RAB40B: variants seen among roughly 807,000 people sequenced by gnomAD.
The protein encoded by RAB40B is ras-related protein Rab-40B.
Under a neutral mutation model 24.0 loss-of-function variants are expected in RAB40B, and 21 were observed. That is an observed-to-expected ratio of 0.88 (90% CI 0.62 to 1.26). The LOEUF is 1.26. Ranked by LOEUF, RAB40B falls within the 50% of genes most tolerant of loss-of-function variation. The pLI is 0.00. For synonymous variants in RAB40B, 167 were observed against 169.8 expected, an observed-to-expected ratio of 0.98 and a Z score of 0.13; for missense variants, 348 against 390.5, an observed-to-expected ratio of 0.89 and a Z score of 0.92.
chr17:82,686,735 C>T (rs1332297431), intron 1 of RAB40B, among the ~76,000 whole-genome samples: 1 of 152,210 alleles, frequency 6.6e-6, no homozygotes, highest in Non-Finnish European at 1.5e-5. Flanking sequence ...ATCTCTGTTT[C>T]AATTTGTCCA....
At chr17:82,676,398 A>AC (rs2046394824) in intron 1 of RAB40B, among the ~76,000 whole-genome samples, 7 of 109,168 alleles carry the variant, frequency 6.4e-5, no homozygotes, top group African/African-American at 1.8e-4. Flanking sequence ...GCATCTCCTC[A>AC]CCCACAGAGT....
intron 1 of RAB40B, among the ~76,000 whole-genome samples, chr17:82,685,224 G>A (rs989700362): frequency 6.3e-5 from 9 of 143,412 alleles, no homozygotes; most frequent in Non-Finnish European, 9.2e-5. Flanking sequence ...AATGGGGAGG[G>A]GGAGGGAGGA....
At position 82,675,004 on chromosome 17, in the gene RAB40B, ATT is replaced by A. The variant is rs1423205806; in HGVS notation, c.143-10450_143-10449del. On this transcript the variant is annotated intron_variant, in intron 1 of 5. Transcript: ENST00000571995. The surrounding 1 kb of genome is among the most constrained non-coding windows in gnomAD (Gnocchi z 4.5). ...CACCACATTCCTCTGTGCTGAAGCT[ATT>A]TTGAGTTAATTTTCTTGTTTGCACC... 6.6e-6 allele frequency among the ~76,000 whole-genome samples: 1 copy of A among 152,140 alleles called. No individual in the cohort carries two copies. The highest frequency in any genetic ancestry group is 1.9e-4 in the East Asian group (1 of 5,188).
intron 2 of RAB40B, chr17:82,662,841 G>T: frequency 1.0e-6 from 1 of 984,952 alleles, no homozygotes; most frequent in South Asian, 4.7e-5. Flanking sequence ...CAGACCCGGG[G>T]TGGAGCTGGG....
rs2046622440 is a variant in RAB40B at position 82,697,526 on chromosome 17, G to A, written c.142+929C>T. Among the ~76,000 whole-genome samples, 1 of 152,174 alleles carries A rather than the reference G, an allele frequency of 6.6e-6. No individual in the cohort carries two copies. Among genetic ancestry groups the A allele is most frequent in the Admixed American group, 6.5e-5 (1 of 15,276 alleles). On this transcript the variant is annotated intron_variant, in intron 1 of 5. Coordinates refer to ENST00000571995, the MANE Select transcript of RAB40B (RefSeq NM_006822.3). The surrounding 1 kb of genome is among the most constrained non-coding windows in gnomAD (Gnocchi z 4.9). Reference sequence around the variant, plus strand: ...CTGTTGGAAGCGTGGGTTCAGCCCCGAGGCGCGGCAGGAAGGTGGGCACAG... The same window carrying A: ...CTGTTGGAAGCGTGGGTTCAGCCCCAAGGCGCGGCAGGAAGGTGGGCACAG...
At chr17:82,662,311 A>G (rs1023696484) in intron 2 of RAB40B, 29 of 985,362 alleles carry the variant, frequency 2.9e-5, no homozygotes, top group Non-Finnish European at 3.5e-5. Context: ...ACACAGCGGG[A>G]GCTGCCCAAA....
chr17:82,685,225 G>GGAGGGAA (rs2046486259), intron 1 of RAB40B, among the ~76,000 whole-genome samples: 1 of 142,010 alleles, frequency 7.0e-6, no homozygotes, highest in African/African-American at 2.6e-5. Flanking sequence ...ATGGGGAGGG[G>GGAGGGAA]GAGGGAGGAC....
chr17:82,677,437 G>A (rs768090752), intron 1 of RAB40B, among the ~76,000 whole-genome samples: 5 of 152,110 alleles, frequency 3.3e-5, no homozygotes, highest in African/African-American at 7.2e-5. Flanking sequence ...ATTACAAGCC[G>A]GGCTGCTTCC....
At chr17:82,672,750 A>G (rs931553841) in intron 1 of RAB40B, among the ~76,000 whole-genome samples, 9 of 152,248 alleles carry the variant, frequency 5.9e-5, no homozygotes, top group African/African-American at 2.2e-4. Flanking sequence ...GAACTGTAAG[A>G]AATGCATTTA....
At chr17:82,659,023 T>G in intron 4 of RAB40B, 2 of 334,440 alleles carry the variant, frequency 6.0e-6, no homozygotes, top group Non-Finnish European at 1.1e-5. Context: ...GGGCCCAGGG[T>G]TGCTGGCACC....
chr17:82,674,325 A>G (rs547263922), intron 1 of RAB40B, among the ~76,000 whole-genome samples: 16 of 129,534 alleles, frequency 1.2e-4, no homozygotes, highest in African/African-American at 4.7e-4. Flanking sequence ...GGCAAAAAAG[A>G]GTGAAACTCC....
rs371107577 is a variant in RAB40B, at chr17:82,658,048, A to G, written c.652T>C (p.Leu218=). 3.8e-5 allele frequency: 61 copies of G among 1,614,076 alleles called. No individual in the cohort carries two copies. The highest frequency in any genetic ancestry group is 3.5e-4 in the Admixed American group (21 of 59,994). ...GAGAAGGACTTGAGGTGGCTTCTTA[A>G]GGCAATGGGGAGCGGGAGCTTGTCC... ...LVDKLPLPIA[L]RSHLKSFSMA... is the part of the protein sequence containing the mutation. Residue 218 remains leucine, a synonymous_variant, in exon 6 of 6, where the codon TTA becomes CTA. Coordinates refer to ENST00000571995, the MANE Select transcript of RAB40B (RefSeq NM_006822.3).
Position 82,698,476 on chromosome 17 carries a change from A to G in RAB40B, c.121T>C (p.Ser41Pro). Residue 41 changes from serine (S) to proline (P), a missense_variant, in exon 1 of 6, where the codon TCC becomes CCC. Ser to Pro is a moderately conservative substitution (Grantham distance 74). This residue lies in a region of RAB40B where 101 missense variants were observed against 85.5 expected (regional missense o/e 1.18). Coordinates refer to ENST00000571995, the MANE Select transcript of RAB40B (RefSeq NM_006822.3). ...TCACCCGCCGGGTGGCCGTACGGGG[A>G]CTCGGCCGCGCCATCCTGCAGGCTC... ...LASLQDGAAE[S>P]PYGHPAGIDY... The G allele has an allele frequency of 6.8e-7, 1 of 1,469,458 alleles. No individual in the cohort carries two copies. The highest frequency in any genetic ancestry group is 1.2e-5 in the South Asian group (1 of 80,082). The allele number at this position is 1,469,458 out of a possible 1,614,324, so 91.0% of individuals were successfully genotyped here. A position where few individuals can be genotyped will look rare whatever the true frequency, so the allele number is the denominator to read the frequency against.
intron 3 of RAB40B, 34 bp downstream of exon 3, chr17:82,660,953 G>C (rs751268649): frequency 1.2e-6 from 2 of 1,607,084 alleles, no homozygotes; most frequent in Admixed American, 1.7e-5. Context: ...TTCAAAGTTG[G>C]TTTGATCTCC....
At chr17:82,686,427 T>G (rs1026673617) in intron 1 of RAB40B, among the ~76,000 whole-genome samples, 11 of 152,182 alleles carry the variant, frequency 7.2e-5, no homozygotes, top group Non-Finnish European at 1.5e-4. Context: ...TCTTTTCAGA[T>G]GTAATCAAGT....
intron 1 of RAB40B, among the ~76,000 whole-genome samples, chr17:82,668,758 C>T (rs979066965): frequency 1.7e-4 from 26 of 152,030 alleles, no homozygotes; most frequent in Middle Eastern, 3.4e-3. Flanking sequence ...AGCACAGAGA[C>T]GCCCGCGTCT....
At chr17:82,660,179 T>C (rs1340231705) in intron 3 of RAB40B, among the ~76,000 whole-genome samples, 1 of 151,184 alleles carries the variant, frequency 6.6e-6, no homozygotes, top group East Asian at 2.0e-4. Flanking sequence ...TGCACACATG[T>C]TGCATACACA....
chr17:82,698,003 C>T (rs1280502500), intron 1 of RAB40B, among the ~76,000 whole-genome samples: 1 of 152,040 alleles, frequency 6.6e-6, no homozygotes, highest in Non-Finnish European at 1.5e-5. Flanking sequence ...CCAGGAGCCC[C>T]GGAGCTCGCG....
In RAB40B at chr17:82,667,522, C is replaced by T. The variant is rs1189966126; in HGVS notation, c.143-2966G>A. Among the ~76,000 whole-genome samples, 1 of 152,214 alleles carries T rather than the reference C, an allele frequency of 6.6e-6. No individual in the cohort carries two copies. Among genetic ancestry groups the T allele is most frequent in the Non-Finnish European group, 1.5e-5 (1 of 68,034 alleles). On this transcript the variant is annotated intron_variant, in intron 1 of 5. Coordinates refer to ENST00000571995, the MANE Select transcript of RAB40B (RefSeq NM_006822.3). The surrounding 1 kb of genome is among the most constrained non-coding windows in gnomAD (Gnocchi z 4.3). ...GCCTGTCCCCTGCCCTCTGCTTCCT[C>T]CTCCGGGCCCTGCCCCCTTCCTGGA...
Sources: allele counts gnomAD v4.1 joint callset (sites outside exome capture counted in the v4.1 genomes callset), GRCh38; gene constraint gnomAD v4.1.1; regional missense constraint gnomAD v4.1.1; non-coding constraint Gnocchi (gnomAD v3.1); transcripts MANE v1.5; gene names NCBI Gene and HGNC (gene_info 2026-07-23, HGNC 2026-07-21).